METTL15: variants seen among roughly 807,000 people sequenced by gnomAD.
METTL15 encodes the protein 12S rRNA N(4)-cytidine methyltransferase METTL15.
Under a neutral mutation model 38.3 loss-of-function variants are expected in METTL15, and 34 were observed. That is an observed-to-expected ratio of 0.89 (90% confidence interval 0.68 to 1.18). METTL15 has a LOEUF of 1.18. Ranked by LOEUF, METTL15 falls within the 50% of genes most tolerant of loss-of-function variation. The probability of loss-of-function intolerance (pLI) is 0.00; values close to 1 mark genes in which losing one functional copy is unlikely to be tolerated. For missense variants in METTL15, 438 were observed against 498.4 expected (o/e 0.88, Z 1.15); for synonymous variants, 162 against 170.9 (o/e 0.95, Z 0.41).
intron 3 of METTL15, among the ~76,000 whole-genome samples, chr11:28,143,596 A>G (rs927898854): frequency 1.3e-5 from 2 of 152,140 alleles, no homozygotes; most frequent in African/African-American, 4.8e-5. Flanking sequence ...ACAACATAGG[A>G]CCTTCCTTGC....
chr11:28,304,069 G>A (rs936623390), intron 6 of METTL15, among the ~76,000 whole-genome samples: 3 of 152,100 alleles, frequency 2.0e-5, no homozygotes, highest in Non-Finnish European at 4.4e-5. Context: ...ATTCTTGTAA[G>A]CATTTTTTTT....
At chr11:28,386,542 A>C (rs1850443021) in intron 5 of METTL15, among the ~76,000 whole-genome samples, 1 of 152,046 alleles carries the variant, frequency 6.6e-6, no homozygotes, top group Non-Finnish European at 1.5e-5. Context: ...AATAATACAA[A>C]CATGTCTGTC....
intron 6 of METTL15, among the ~76,000 whole-genome samples, chr11:28,452,340 G>A (rs1418194912): frequency 6.6e-6 from 1 of 152,176 alleles, no homozygotes; most frequent in African/African-American, 2.4e-5. Context: ...TCCAGCTGAT[G>A]TTATAAATGG....
intron 4 of METTL15, among the ~76,000 whole-genome samples, chr11:28,212,704 A>C (rs1399918455): frequency 6.6e-6 from 1 of 152,190 alleles, no homozygotes; most frequent in Admixed American, 6.5e-5. Context: ...AGAAGAAAAA[A>C]GTTTTGTACA....
At chr11:28,417,619 G>A (rs1467016388) in intron 5 of METTL15, among the ~76,000 whole-genome samples, 1 of 152,184 alleles carries the variant, frequency 6.6e-6, no homozygotes, top group Non-Finnish European at 1.5e-5. Flanking sequence ...GGAGTCATAT[G>A]TTTGAGGTTG....
chr11:28,361,588 C>T lies in METTL15; in HGVS notation c.*259-349C>T, dbSNP rs185278847. ...TCTAGCTAGATTTGGTTTTTGTTAT[C>T]TCTAAATGAGGAGTTCTAATAAATA... On this transcript the variant is annotated intron_variant and NMD_transcript_variant, in intron 4 of 7. Coordinates refer to the METTL15 transcript ENST00000532947. 3.0e-3 allele frequency among the ~76,000 whole-genome samples: 450 copies of T among 152,240 alleles called. 2 individuals are homozygous for T. Among genetic ancestry groups the T allele is most frequent in the African/African-American group, 0.01 (432 of 41,550 alleles).
chr11:28,377,354 G>A (rs534484289), intron 5 of METTL15, among the ~76,000 whole-genome samples: 6 of 152,104 alleles, frequency 3.9e-5, no homozygotes, highest in South Asian at 2.1e-4. Flanking sequence ...AGGCTTTGCC[G>A]TTTCCTTTTA....
At chr11:28,292,380 A>G (rs1272077469) in intron 5 of METTL15, among the ~76,000 whole-genome samples, 1 of 151,932 alleles carries the variant, frequency 6.6e-6, no homozygotes, top group Non-Finnish European at 1.5e-5. Flanking sequence ...CCTACAAAGG[A>G]CGTGAACTCA....
intron 3 of METTL15, among the ~76,000 whole-genome samples, chr11:28,160,046 A>T (rs1266491811): frequency 6.6e-6 from 1 of 152,084 alleles, no homozygotes. Context: ...TAATCTCATC[A>T]GCTGCCAGCA....
At chr11:28,129,458 G>A (rs1852659812) in intron 3 of METTL15, among the ~76,000 whole-genome samples, 1 of 150,216 alleles carries the variant, frequency 6.7e-6, no homozygotes, top group Non-Finnish European at 1.5e-5. Context: ...TGCCTAGGCT[G>A]GAGTGCAGTG....
At chr11:28,314,921 C>T (rs1857428555) in intron 6 of METTL15, among the ~76,000 whole-genome samples, 1 of 152,200 alleles carries the variant, frequency 6.6e-6, no homozygotes, top group African/African-American at 2.4e-5. Context: ...GTGACTTGCT[C>T]CTCATTGCCT....
chr11:28,189,720 T>C (rs890367158), intron 3 of METTL15, among the ~76,000 whole-genome samples: 2 of 151,278 alleles, frequency 1.3e-5, no homozygotes, highest in Non-Finnish European at 3.0e-5. Context: ...GATGATTCCC[T>C]GTGGTGATTA....
At chr11:28,490,568 A>T (rs1297065183) in intron 6 of METTL15, among the ~76,000 whole-genome samples, 1 of 152,138 alleles carries the variant, frequency 6.6e-6, no homozygotes, top group Non-Finnish European at 1.5e-5. Flanking sequence ...GATTTAATTT[A>T]TCTAGGGTGA....
chr11:28,234,337 C>G (rs9667166), intron 4 of METTL15, among the ~76,000 whole-genome samples: 55,593 of 149,122 alleles, frequency 0.37, 11,892 homozygotes, highest in African/African-American at 0.59. Context: ...GGATGGCTGG[C>G]TCAAATGGTA....
chr11:28,379,123 A>G (rs1304889687), intron 5 of METTL15, among the ~76,000 whole-genome samples: 1 of 151,430 alleles, frequency 6.6e-6, no homozygotes, highest in Non-Finnish European at 1.5e-5. Context: ...TTTCCTCCCT[A>G]AATGTTTGTT....
chr11:28,312,656 C>G (rs1857346547), intron 6 of METTL15, among the ~76,000 whole-genome samples: 1 of 152,086 alleles, frequency 6.6e-6, no homozygotes, highest in African/African-American at 2.4e-5. Flanking sequence ...GTATTTGGTT[C>G]ATGGTTCTGG....
Position 28,380,358 on chromosome 11 carries a change from T to A in METTL15, c.*358+18322T>A, listed in dbSNP as rs1229389356. Among the ~76,000 whole-genome samples, 5 of 152,116 alleles carry A rather than the reference T, an allele frequency of 3.3e-5. No individual in the cohort carries two copies. In the East Asian group the frequency reaches 9.7e-4, roughly 29 times the overall value. ...AAGTTTTTCGTATTTTTAATAGAGA[T>A]GAGGTTTCACCATGTTAGCAAAGAT... On this transcript the variant is annotated intron_variant and NMD_transcript_variant, in intron 5 of 7. Coordinates refer to the METTL15 transcript ENST00000532947.
chr11:28,393,036 G>T (rs1469917187), intron 5 of METTL15, among the ~76,000 whole-genome samples: 2 of 152,092 alleles, frequency 1.3e-5, no homozygotes, highest in South Asian at 2.1e-4. Flanking sequence ...CTATTGGCAA[G>T]GATGTGGAGA....
intron 4 of METTL15, among the ~76,000 whole-genome samples, chr11:28,262,050 T>C (rs555363353): frequency 1.3e-5 from 2 of 152,278 alleles, no homozygotes; most frequent in South Asian, 2.1e-4. Context: ...CTTAAACCAC[T>C]GTAATGTCTT....
Sources: gnomAD v4.1 joint callset for allele counts (sites outside exome capture counted in the v4.1 genomes callset) on GRCh38, gnomAD v4.1.1 for gene constraint, MANE v1.5 for transcripts, NCBI Gene and HGNC (gene_info 2026-07-23, HGNC 2026-07-21) for gene names.